AGMO: variants seen among roughly 807,000 people sequenced by gnomAD.
AGMO encodes glyceryl-ether monooxygenase.
In AGMO, 75 loss-of-function variants were observed where a neutral mutation model predicts 60.2. The observed-to-expected ratio is 1.25, with a 90% CI of 1.03 to 1.51. AGMO has a LOEUF of 1.51. Among genes scored for constraint, AGMO ranks in the 40% most tolerant of loss-of-function variants. The pLI is 0.00. For missense variants in AGMO, 763 were observed against 525.5 expected, an observed-to-expected ratio of 1.45 and a Z score of -4.42; for synonymous variants, 261 against 177.1, an observed-to-expected ratio of 1.47 and a Z score of -3.76.
intron 8 of AGMO, among the ~76,000 whole-genome samples, chr7:15,390,285 G>T (rs1209817159): frequency 1.3e-5 from 2 of 152,104 alleles, no homozygotes; most frequent in Non-Finnish European, 2.9e-5. Flanking sequence ...GCCTCACGAT[G>T]AATTTCTAAC....
the AGMO span, among the ~76,000 whole-genome samples, chr7:15,178,883 G>A: frequency 6.6e-6 from 1 of 152,074 alleles, no homozygotes; most frequent in Non-Finnish European, 1.5e-5. Flanking sequence ...ATCTGGCAAA[G>A]GTCATCATAC....
At chr7:15,258,093 C>T (rs571005245) in intron 12 of AGMO, among the ~76,000 whole-genome samples, 1 of 152,286 alleles carries the variant, frequency 6.6e-6, no homozygotes, top group Non-Finnish European at 1.5e-5. Flanking sequence ...TATAACAACA[C>T]TATCCGTATA....
chr7:15,165,307 A>T, the AGMO span, among the ~76,000 whole-genome samples: 1 of 152,134 alleles, frequency 6.6e-6, no homozygotes, highest in Admixed American at 6.6e-5. Context: ...TGATGGGTAC[A>T]CTAGAAGCCC....
At chr7:15,346,561 G>A (rs1246171299) in intron 12 of AGMO, among the ~76,000 whole-genome samples, 11 of 149,522 alleles carry the variant, frequency 7.4e-5, no homozygotes, top group African/African-American at 2.0e-4. Context: ...ACACTGTATT[G>A]TCACTCTTCT....
intron 12 of AGMO, among the ~76,000 whole-genome samples, chr7:15,312,915 C>T (rs940000293): frequency 3.3e-5 from 5 of 152,080 alleles, no homozygotes; most frequent in African/African-American, 1.2e-4. Context: ...GCAGTCCACC[C>T]ACCTCGGCCT....
intron 12 of AGMO, among the ~76,000 whole-genome samples, chr7:15,318,795 G>C (rs1212583247): frequency 2.0e-5 from 3 of 151,928 alleles, no homozygotes; most frequent in Non-Finnish European, 4.4e-5. Context: ...TCTTTTACAG[G>C]TTGCCAATTA....
intron 3 of AGMO, among the ~76,000 whole-genome samples, chr7:15,498,385 A>G (rs1161770142): frequency 6.6e-6 from 1 of 152,008 alleles, no homozygotes. Context: ...AATACCTTTT[A>G]TTGGAGATAT....
At chr7:15,314,446 A>AT (rs1331979983) in intron 12 of AGMO, among the ~76,000 whole-genome samples, 1 of 152,064 alleles carries the variant, frequency 6.6e-6, no homozygotes, top group East Asian at 1.9e-4. Context: ...ATAAATGTTG[A>AT]TTTTATATAC....
intron 3 of AGMO, among the ~76,000 whole-genome samples, chr7:15,478,898 T>G (rs1174311499): frequency 6.6e-6 from 1 of 152,144 alleles, no homozygotes; most frequent in Non-Finnish European, 1.5e-5. Flanking sequence ...CTAAATTTAG[T>G]GCACTAGAGC....
chr7:15,409,020 A>G (rs1268376838), intron 5 of AGMO, among the ~76,000 whole-genome samples: 1 of 151,810 alleles, frequency 6.6e-6, no homozygotes, highest in Non-Finnish European at 1.5e-5. Flanking sequence ...AGAAATGGAA[A>G]ACGGTCCAGT....
At chr7:15,503,968 C>T (rs898748186) in intron 3 of AGMO, among the ~76,000 whole-genome samples, 3 of 151,908 alleles carry the variant, frequency 2.0e-5, no homozygotes, top group South Asian at 2.1e-4. Flanking sequence ...ACTGATTCTG[C>T]GTAATTCTGA....
At chr7:15,399,150 T>G (rs1784484129) in intron 5 of AGMO, among the ~76,000 whole-genome samples, 1 of 152,182 alleles carries the variant, frequency 6.6e-6, no homozygotes, top group African/African-American at 2.4e-5. Flanking sequence ...AATATTGTAT[T>G]CTGTAAGTTG....
chr7:15,392,209 G>T (rs951694543), intron 6 of AGMO, among the ~76,000 whole-genome samples: 2 of 151,776 alleles, frequency 1.3e-5, no homozygotes, highest in Non-Finnish European at 1.5e-5. Flanking sequence ...AGCTGCGACC[G>T]CAGGTGCCGG....
rs71004386 is a variant in AGMO at position 15,493,362 on chromosome 7, C to CACACACACACACACACAT, written c.409+51409_409+51410insATGTGTGTGTGTGTGTGT. On this transcript the variant is annotated intron_variant, in intron 3 of 12. Coordinates refer to ENST00000342526, the MANE Select transcript of AGMO (RefSeq NM_001004320.2). ...ACACACACACACACACACACACACA[C>CACACACACACACACACAT]TTCTTTTTTTTTTTTTTTTTTTTTT... is the stretch of plus-strand genomic sequence containing the variant. 5.1e-3 allele frequency among the ~76,000 whole-genome samples: 525 copies of CACACACACACACACACAT among 102,246 alleles called. 10 individuals are homozygous for CACACACACACACACACAT. Among genetic ancestry groups the CACACACACACACACACAT allele is most frequent in the African/African-American group, 0.02 (505 of 24,938 alleles). 67.1% of individuals were successfully genotyped at this position (102,246 alleles called of 152,430 possible). A position where few individuals can be genotyped will look rare whatever the true frequency, so the allele number is the denominator to read the frequency against.
chr7:15,305,145 T>C (rs1350490796), intron 12 of AGMO, among the ~76,000 whole-genome samples: 1 of 151,666 alleles, frequency 6.6e-6, no homozygotes, highest in Non-Finnish European at 1.5e-5. Flanking sequence ...CATCTCACCA[T>C]GGATTTTCTC....
chr7:15,248,194 A>AT (rs71549926), intron 12 of AGMO, among the ~76,000 whole-genome samples: 1 of 73,760 alleles, frequency 1.4e-5, no homozygotes, highest in African/African-American at 6.7e-5. Context: ...ATATATATAT[A>AT]TATATATATA....
At chr7:15,317,649 A>C (rs2099564344) in intron 12 of AGMO, among the ~76,000 whole-genome samples, 1 of 152,018 alleles carries the variant, frequency 6.6e-6, no homozygotes. Context: ...ACTAATGGTA[A>C]AATAAAATAT....
intron 3 of AGMO, among the ~76,000 whole-genome samples, chr7:15,466,190 T>C (rs1467797950): frequency 6.6e-6 from 1 of 152,160 alleles, no homozygotes; most frequent in African/African-American, 2.4e-5. Flanking sequence ...ACTGGGTGCA[T>C]ATCCTTTAAT....
intron 6 of AGMO, among the ~76,000 whole-genome samples, chr7:15,392,367 G>A (rs1006131113): frequency 2.6e-4 from 40 of 151,922 alleles, no homozygotes; most frequent in Non-Finnish European, 5.3e-4. Flanking sequence ...CAACATGCCC[G>A]GCCCTATTTC....
Sources: gnomAD v4.1 joint callset for allele counts (sites outside exome capture counted in the v4.1 genomes callset) on GRCh38, gnomAD v4.1.1 for gene constraint, MANE v1.5 for transcripts, NCBI Gene and HGNC (gene_info 2026-07-23, HGNC 2026-07-21) for gene names.